MYO19: variants seen among roughly 807,000 people sequenced by gnomAD.
MYO19 encodes unconventional myosin-XIX.
Under a neutral mutation model 129.2 loss-of-function variants are expected in MYO19, and 132 were observed. The observed-to-expected ratio is 1.02, with a 90% CI of 0.89 to 1.18. The LOEUF is 1.18. MYO19 is among the 50% of genes most tolerant of loss of function. MYO19 has a pLI of 0.00. For missense variants in MYO19, 1,210 were observed against 1,216.7 expected, an observed-to-expected ratio of 0.99 and a Z score of 0.08; for synonymous variants, 531 against 477.2, an observed-to-expected ratio of 1.11 and a Z score of -1.47.
At chr17:36,530,874 A>C (rs1349136644) in intron 3 of MYO19, among the ~76,000 whole-genome samples, 2 of 151,168 alleles carry the variant, frequency 1.3e-5, no homozygotes, top group Non-Finnish European at 2.9e-5. Context: ...GCCCGCCTCG[A>C]CCTCCCAAAG....
At position 36,506,501 on chromosome 17, in the gene MYO19, AGGG is replaced by A; in HGVS notation, c.1749_1751del (p.Pro584del). The A allele has an allele frequency of 1.9e-6, 3 of 1,611,510 alleles. No homozygotes were observed. Among genetic ancestry groups the A allele is most frequent in the Non-Finnish European group, 2.5e-6 (3 of 1,179,120 alleles). On this transcript the variant is annotated inframe_deletion, in exon 18 of 26. Coordinates refer to ENST00000614623, the MANE Select transcript of MYO19 (RefSeq NM_001163735.2). The stretch of plus-strand genomic sequence containing the variant: ...TCAACACAGGGGCCCTGCTCTGGCC[AGGG>A]GGTTCCTCCTGGGTCTTCTCTTTGG...
intron 6 of MYO19, among the ~76,000 whole-genome samples, chr17:36,523,005 C>CA (rs35950584): frequency 0.1 from 8,677 of 85,272 alleles, 484 homozygotes; most frequent in South Asian, 0.18. Flanking sequence ...GACTCCGTCT[C>CA]AAAAAAAAAA....
In MYO19 at chr17:36,507,850, C is replaced by A; in HGVS notation, c.1306G>T (p.Glu436Ter). 6.2e-7 allele frequency: 1 copy of A among 1,613,686 alleles called. No homozygotes were observed. The highest frequency in any genetic ancestry group is 2.2e-5 in the East Asian group (1 of 44,870). ...LEQLCINYANEKLQQHFVAHY... is the reference protein window; with the variant it reads ...LEQLCINYAN ...GCCACAAAATGCTGCTGCAGCTTCTCATTGGCGTAGTTGATGCACAACTGT... is the reference window on the plus strand; with the variant it reads ...GCCACAAAATGCTGCTGCAGCTTCTAATTGGCGTAGTTGATGCACAACTGT... Residue 436 changes from glutamate (E) to a stop codon, truncating the protein, a stop_gained, in exon 15 of 26, where the codon GAG becomes TAG. Coordinates refer to ENST00000614623, the MANE Select transcript of MYO19 (RefSeq NM_001163735.2). LOFTEE classifies it high-confidence loss of function.
rs1016172409 is a variant in MYO19 at position 36,498,634 on chromosome 17, C to CT, written c.2464-76dup. 4.1e-6 allele frequency: 6 copies of CT among 1,449,268 alleles called. No individual in the cohort carries two copies. The African/African-American group carries it at 7.1e-5, about 17-fold the overall frequency. The allele number at this position is 1,449,268 out of a possible 1,614,324, so 89.8% of individuals were successfully genotyped here. ...AGCAGAAAATGGAAATCAAAACTAT[C>CT]TTTAACAAATCATCTTAACAAGGTG... is the stretch of plus-strand genomic sequence containing the variant. On this transcript the variant is annotated intron_variant, in intron 24 of 25. Coordinates refer to ENST00000614623, the MANE Select transcript of MYO19 (RefSeq NM_001163735.2).
In MYO19 at chr17:36,514,629, CCTG is replaced by C. The variant is rs1434045364; in HGVS notation, c.618-84_618-82del. 6 of 935,262 alleles carry C rather than the reference CCTG, an allele frequency of 6.4e-6. No individual in the cohort carries two copies. The East Asian group carries it at 9.7e-5, about 15-fold the overall frequency. The allele number at this position is 935,262 out of a possible 1,614,324, so 57.9% of individuals were successfully genotyped here. On this transcript the variant is annotated intron_variant, in intron 8 of 25. Transcript: ENST00000614623. ...CTGGCAATCTGGGTGTGCCAGATTG[CCTG>C]CTACCTGGCAACTCCCCGCCAAGCT...
At chr17:36,538,392 G>T (rs1193754766), upstream of MYO19, 1 of 1,614,104 alleles carries the variant, frequency 6.2e-7, no homozygotes, top group Non-Finnish European at 8.5e-7. Context: ...AGTCCCTGAA[G>T]CCGAAAGAAT....
intron 6 of MYO19, among the ~76,000 whole-genome samples, chr17:36,516,993 G>A (rs776645836): frequency 6.6e-6 from 1 of 152,156 alleles, no homozygotes; most frequent in Non-Finnish European, 1.5e-5. Context: ...AGCTTTCTCT[G>A]TGGGAGGGCT....
chr17:36,505,249 G>T, intron 19 of MYO19, 48 bp downstream of exon 19: 3 of 1,517,136 alleles, frequency 2.0e-6, no homozygotes, highest in Non-Finnish European at 2.7e-6. Context: ...CCAGGGCCTT[G>T]GCCAGATGGG....
At chr17:36,499,490 T>C in intron 23 of MYO19, 1 of 194,616 alleles carries the variant, frequency 5.1e-6, no homozygotes, top group South Asian at 9.7e-5. Flanking sequence ...CTGGATTGTC[T>C]GTGCCTTTAA....
At chr17:36,502,502 A>G (rs1375013000) in intron 21 of MYO19, among the ~76,000 whole-genome samples, 4 of 152,010 alleles carry the variant, frequency 2.6e-5, no homozygotes, top group African/African-American at 4.8e-5. Flanking sequence ...TGTGCCCACA[A>G]TTCTTGTTTC....
chr17:36,498,169 T>C (rs1363889126), intron 25 of MYO19, 97 bp downstream of exon 25: 1 of 1,393,846 alleles, frequency 7.2e-7, no homozygotes, highest in South Asian at 1.3e-5. Flanking sequence ...GGGATGGATC[T>C]TGTCCCAGCC....
chr17:36,507,452 AG>A lies in MYO19; in HGVS notation c.1413del (p.Cys472ValfsTer16), dbSNP rs779491004. The A allele has an allele frequency of 3.7e-6, 6 of 1,613,622 alleles. No homozygotes were observed. The highest frequency in any genetic ancestry group is 4.2e-6 in the Non-Finnish European group (5 of 1,179,866). On this transcript the variant is annotated frameshift_variant, in exon 16 of 26. Transcript: ENST00000614623. LOFTEE classifies it high-confidence loss of function. ...WSFINYQDNQ[P>X]CLDLIEGSPI... ...GGGCTTCCCTCAATGAGATCCAAAC[AG>A]GGCTGGTTGTCCTGGTAGTTGATGA...
chr17:36,496,151 T>C lies in MYO19; in HGVS notation c.*100A>G. On this transcript the variant is annotated 3_prime_UTR_variant, in exon 26 of 26. Transcript: ENST00000614623. ...GCCGTCACTGTTGTTCATGTGCATT[T>C]GGAGCACTGTGGGAATAGTCTGGCA... 6.8e-7 allele frequency: 1 copy of C among 1,467,536 alleles called. No individual in the cohort carries two copies. Among genetic ancestry groups the C allele is most frequent in the Non-Finnish European group, 9.4e-7 (1 of 1,067,678 alleles). The allele number at this position is 1,467,536 out of a possible 1,614,324, so 90.9% of individuals were successfully genotyped here.
Position 36,525,252 on chromosome 17 carries a change from GACA to G in MYO19, c.387_389del (p.Val130del), listed in dbSNP as rs760286976. The G allele has an allele frequency of 2.3e-5, 37 of 1,613,626 alleles. 2 individuals are homozygous for G. The South Asian group carries it at 3.2e-4, about 14-fold the overall frequency. ...CCTTTCCAGCACCACTCTCTCCACT[GACA>G]ACAATAGACTGGTTGACTGGTTCAA... On this transcript the variant is annotated inframe_deletion, in exon 6 of 26. Transcript: ENST00000614623.
At chr17:36,506,189 C>G (rs1012588385) in intron 18 of MYO19, among the ~76,000 whole-genome samples, 1 of 152,158 alleles carries the variant, frequency 6.6e-6, no homozygotes, top group African/African-American at 2.4e-5. Flanking sequence ...TGATCCTCTT[C>G]CCATGAGCAC....
Position 36,525,225 on chromosome 17 carries a change from T to C in MYO19, c.414+3A>G, listed in dbSNP as rs1183020762. Reference sequence around the variant, plus strand: ...TGACAGGATGGGAAAGACGTCTTCCTACCTTTCCAGCACCACTCTCTCCAC... The same window carrying C: ...TGACAGGATGGGAAAGACGTCTTCCCACCTTTCCAGCACCACTCTCTCCAC... On this transcript the variant is annotated splice_donor_region_variant and intron_variant, in intron 6 of 25. Coordinates refer to ENST00000614623, the MANE Select transcript of MYO19 (RefSeq NM_001163735.2). The C allele has an allele frequency of 1.2e-6, 2 of 1,608,976 alleles. No individual in the cohort carries two copies. The highest frequency in any genetic ancestry group is 1.7e-6 in the Non-Finnish European group (2 of 1,175,496).
chr17:36,512,329 C>T (rs1381178547), intron 11 of MYO19, among the ~76,000 whole-genome samples: 1 of 146,520 alleles, frequency 6.8e-6, no homozygotes, highest in East Asian at 2.0e-4. Flanking sequence ...GAGGAGGTTG[C>T]AGTGAGCTGA....
Position 36,502,953 on chromosome 17 carries a change from T to C in MYO19, c.2080+144A>G. 4.3e-6 allele frequency: 3 copies of C among 693,128 alleles called. No homozygotes were observed. The South Asian group carries it at 5.2e-5, about 12-fold the overall frequency. 42.9% of individuals were successfully genotyped at this position (693,128 alleles called of 1,614,324 possible). Reference sequence around the variant, plus strand: ...CACTTTCCATGCTATTTGTCTTTTTTGAATCTGTTTCCCCCACTGAACCAA... The same window carrying C: ...CACTTTCCATGCTATTTGTCTTTTTCGAATCTGTTTCCCCCACTGAACCAA... On this transcript the variant is annotated intron_variant, in intron 21 of 25. Coordinates refer to ENST00000614623, the MANE Select transcript of MYO19 (RefSeq NM_001163735.2).
At chr17:36,512,713 G>C (rs1038894916) in intron 11 of MYO19, 1 of 1,289,158 alleles carries the variant, frequency 7.8e-7, no homozygotes, top group Admixed American at 2.3e-5. Flanking sequence ...CCACTGCATT[G>C]CTACCTCCCT....
Sources: gnomAD v4.1 joint callset for allele counts (sites outside exome capture counted in the v4.1 genomes callset) on GRCh38, gnomAD v4.1.1 for gene constraint, MANE v1.5 for transcripts, NCBI Gene and HGNC (gene_info 2026-07-23, HGNC 2026-07-21) for gene names.